The following DNMT1 variants were observed in gnomAD, a reference collection of about 807,000 sequenced individuals.
DNMT1 encodes the protein DNA (cytosine-5)-methyltransferase 1.
In DNMT1, 24 loss-of-function variants were observed where a neutral mutation model predicts 205.3. That is an observed-to-expected ratio of 0.12 (90% confidence interval 0.08 to 0.16). The LOEUF is 0.16. DNMT1 is among the 10% of genes least tolerant of loss of function. The pLI is 1.00. For synonymous variants in DNMT1, 817 were observed against 839.8 expected (o/e 0.97, Z 0.47); for missense variants, 1,293 against 2,177.7 (o/e 0.59, Z 8.09).
At chr19:10,190,621 C>T (rs1203542905) in intron 1 of DNMT1, among the ~76,000 whole-genome samples, 3 of 151,776 alleles carry the variant, frequency 2.0e-5, no homozygotes, top group East Asian at 1.9e-4. Flanking sequence ...AAAAGTTAGC[C>T]GGGCGTGGTG....
chr19:10,137,750 T>G lies in DNMT1; in HGVS notation c.4293+82A>C. 11 of 1,540,580 alleles carry G rather than the reference T, an allele frequency of 7.1e-6. No homozygotes were observed. The highest frequency in any genetic ancestry group is 8.8e-6 in the Non-Finnish European group (10 of 1,133,638). On this transcript the variant is annotated intron_variant, in intron 36 of 40. Coordinates refer to ENST00000359526, the MANE Select transcript of DNMT1 (RefSeq NM_001130823.3). This position sits in a 1 kb window ranked among gnomAD's most constrained non-coding sequence, Gnocchi z 6.4. ...CTGGGATCAGATTCCATGTCTCCCCTGAGTCTTGGGCAGGCTGACTGTTCC... is the reference window on the plus strand; with the variant it reads ...CTGGGATCAGATTCCATGTCTCCCCGGAGTCTTGGGCAGGCTGACTGTTCC...
rs201030055 is a variant in DNMT1, at chr19:10,175,522, T to C, written c.648+18A>G. On this transcript the variant is annotated intron_variant, in intron 7 of 40. Transcript: ENST00000359526. ...ACCAAGTTAAGGTAGAGTCAGGAAA[T>C]GAAAGCACTGGCCCTACCTGGTCTT... is the stretch of plus-strand genomic sequence containing the variant. 50 of 1,613,816 alleles carry C rather than the reference T, an allele frequency of 3.1e-5. No homozygotes were observed. Among genetic ancestry groups the C allele is most frequent in the Non-Finnish European group, 3.9e-5 (46 of 1,179,906 alleles).
rs2145283148 is a variant in DNMT1 at position 10,146,396 on chromosome 19, C to T, written c.2849G>A (p.Arg950Gln). ...YSATKNGILY[R>Q]VGDGVYLPPE... is the part of the protein sequence containing the mutation. ...GGGCAGGTACACACCATCACCAACT[C>T]GGTACAGGATGCCGTTCTTGGTGGC... is the stretch of plus-strand genomic sequence containing the variant. The change falls in exon 28 of 41, where the codon CGA becomes CAA. Residue 950 changes from arginine (R) to glutamine (Q), a missense_variant. Physicochemically the swap from Arg to Gln is conservative, Grantham distance 43. Around this residue, in one of 13 missense-constraint regions of DNMT1, gnomAD observed 112 missense variants for 116.6 expected, o/e 0.96. Transcript: ENST00000359526. The surrounding 1 kb of genome is among the most constrained non-coding windows in gnomAD (Gnocchi z 4.4). 4 of 1,614,028 alleles carry T rather than the reference C, an allele frequency of 2.5e-6. No individual in the cohort carries two copies. The highest frequency in any genetic ancestry group is 3.4e-6 in the Non-Finnish European group (4 of 1,180,010).
At position 10,177,366 on chromosome 19, in the gene DNMT1, A is replaced by C; in HGVS notation, c.495T>G (p.Ala165=). The stretch of plus-strand genomic sequence containing the variant: ...TAATCCTGGGGCTAGGTGAAGGTTC[A>C]GCTGTTTAAAGAAGAAAAAGCATTA... ...ASASQVTGIR[A]EPSPSPRITR... Residue 165 remains alanine (A), a splice_region_variant and synonymous_variant, in exon 6 of 41, where the codon GCT becomes GCG. Coordinates refer to ENST00000359526, the MANE Select transcript of DNMT1 (RefSeq NM_001130823.3). The C allele has an allele frequency of 6.2e-7, 1 of 1,613,762 alleles. No individual in the cohort carries two copies. The highest frequency in any genetic ancestry group is 1.1e-5 in the South Asian group (1 of 90,954).
At chr19:10,148,601 C>A (rs1017992861) in intron 27 of DNMT1, among the ~76,000 whole-genome samples, 2 of 151,874 alleles carry the variant, frequency 1.3e-5, no homozygotes, top group Admixed American at 1.3e-4. Context: ...AAGAGCTGGG[C>A]ACACACTGAA....
intron 2 of DNMT1, among the ~76,000 whole-genome samples, chr19:10,181,111 G>T (rs2039037701): frequency 6.6e-6 from 1 of 152,150 alleles, no homozygotes; most frequent in Non-Finnish European, 1.5e-5. Flanking sequence ...CTGGAGGTGA[G>T]ATGGAGACAT....
Position 10,194,701 on chromosome 19 carries a change from A to C in DNMT1, c.80+119T>G. The C allele has an allele frequency of 2.2e-6, 3 of 1,343,088 alleles. No homozygotes were observed. The South Asian group carries it at 4.6e-5, about 21-fold the overall frequency. The allele number at this position is 1,343,088 out of a possible 1,614,324, so 83.2% of individuals were successfully genotyped here. A position where few individuals can be genotyped will look rare whatever the true frequency, so the allele number is the denominator to read the frequency against. On this transcript the variant is annotated intron_variant, in intron 1 of 40. Transcript: ENST00000359526. ...GCCAACTGCCGCTGCGCGCCGCACC[A>C]CCCCACGCATGCGCGCCCGTCTGTC...
chr19:10,187,240 T>C (rs954681689), intron 1 of DNMT1, among the ~76,000 whole-genome samples: 2 of 151,558 alleles, frequency 1.3e-5, no homozygotes, highest in African/African-American at 4.8e-5. Flanking sequence ...CTAGTATAGA[T>C]TGGATAGGAA....
rs1361896024 is a variant in DNMT1 at position 10,156,109 on chromosome 19, C to T, written c.1400-164G>A. Among the ~76,000 whole-genome samples the T allele has an allele frequency of 6.6e-6, 1 of 152,164 alleles. No homozygotes were observed. The highest frequency in any genetic ancestry group is 2.4e-5 in the African/African-American group (1 of 41,444). ...TGCTCCTGGCACAAAGTCTCACACC[C>T]TAACTTTAAGAGGCAGCAGCAACTC... is the stretch of plus-strand genomic sequence containing the variant. On this transcript the variant is annotated intron_variant, in intron 18 of 40. Transcript: ENST00000359526. This position sits in a 1 kb window ranked among gnomAD's most constrained non-coding sequence, Gnocchi z 4.2.
intron 17 of DNMT1, among the ~76,000 whole-genome samples, chr19:10,158,366 C>G (rs2038498896): frequency 6.6e-6 from 1 of 152,178 alleles, no homozygotes; most frequent in Admixed American, 6.5e-5. Context: ...GGGAGGGGAA[C>G]AACCATCAGC....
Position 10,180,434 on chromosome 19 carries a change from C to T in DNMT1, c.361G>A (p.Gly121Arg). The change falls in exon 4 of 41, where the codon GGA (glycine) becomes AGA (arginine). Residue 121 changes from glycine (G) to arginine (R), a missense_variant. Coordinates refer to ENST00000359526, the MANE Select transcript of DNMT1 (RefSeq NM_001130823.3). Reference sequence around the variant, plus strand: ...GGGGGGCTGTTGGCATCTGCCATTCCCACTCTACGGGCTTCACTTCTTGCT... The same window carrying T: ...GGGGGGCTGTTGGCATCTGCCATTCTCACTCTACGGGCTTCACTTCTTGCT... Reference protein sequence around the residue: ...NQARSEARRVGMADANSPPKP... With the variant: ...NQARSEARRVRMADANSPPKP... 6.2e-7 allele frequency: 1 copy of T among 1,614,158 alleles called. No homozygotes were observed. Among genetic ancestry groups the T allele is most frequent in the Non-Finnish European group, 8.5e-7 (1 of 1,180,036 alleles).
At chr19:10,155,225 A>T (rs751688485) in intron 19 of DNMT1, among the ~76,000 whole-genome samples, 169 bp from the exon 20 acceptor site, 3 of 152,180 alleles carry the variant, frequency 2.0e-5, no homozygotes, top group Non-Finnish European at 2.9e-5. Flanking sequence ...TGTTCTGAAG[A>T]AGCCTGTCTG....
chr19:10,170,831 T>C (rs1349117305), intron 9 of DNMT1, among the ~76,000 whole-genome samples: 1 of 152,140 alleles, frequency 6.6e-6, no homozygotes, highest in East Asian at 1.9e-4. Context: ...TCTCACTTTA[T>C]CATCCAGGCT....
chr19:10,165,525 T>C (rs1017739360), intron 11 of DNMT1, among the ~76,000 whole-genome samples: 1 of 152,202 alleles, frequency 6.6e-6, no homozygotes, highest in Admixed American at 6.5e-5. Context: ...CCCAAGTAGC[T>C]GGGATTAGAG....
In DNMT1 at chr19:10,166,615, C is replaced by T. The variant is rs1257025095; in HGVS notation, c.874G>A (p.Glu292Lys). 34 of 1,614,084 alleles carry T rather than the reference C, an allele frequency of 2.1e-5. No homozygotes were observed. The highest frequency in any genetic ancestry group is 4.5e-5 in the East Asian group (2 of 44,896). ...GCCTTTACTTTCTCGTCTCCATCTT[C>T]GTCCTCGTCAGCCTGCACGCCTGCC... ...ARAGVQADEDEDGDEKDEKKH... is the reference protein window; with the variant it reads ...ARAGVQADEDKDGDEKDEKKH... Residue 292 changes from glutamate (E) to lysine (K), a missense_variant, in exon 11 of 41, where the codon GAA becomes AAA. Coordinates refer to ENST00000359526, the MANE Select transcript of DNMT1 (RefSeq NM_001130823.3).
intron 9 of DNMT1, among the ~76,000 whole-genome samples, chr19:10,169,639 G>A (rs2038771880): frequency 6.6e-6 from 1 of 152,020 alleles, no homozygotes; most frequent in South Asian, 2.1e-4. Context: ...GGTAGCAGGT[G>A]CCTGTAGTCC....
Position 10,138,703 on chromosome 19 carries a change from G to T in DNMT1, c.3949-98C>A. On this transcript the variant is annotated intron_variant, in intron 34 of 40. Transcript: ENST00000359526. This position sits in a 1 kb window ranked among gnomAD's most constrained non-coding sequence, Gnocchi z 4.1. ...AGGGTCAGCAGCCTGAGTCGGGAGT[G>T]GCTGGCCAATGCGGAGTGCACTTGC... is the stretch of plus-strand genomic sequence containing the variant. 1.4e-6 allele frequency: 2 copies of T among 1,479,452 alleles called. No individual in the cohort carries two copies. The highest frequency in any genetic ancestry group is 1.8e-6 in the Non-Finnish European group (2 of 1,103,618). 91.6% of individuals were successfully genotyped at this position (1,479,452 alleles called of 1,614,324 possible).
chr19:10,173,365 A>G (rs1257218586), intron 8 of DNMT1, among the ~76,000 whole-genome samples, 191 bp from the exon 9 acceptor site: 1 of 152,142 alleles, frequency 6.6e-6, no homozygotes, highest in African/African-American at 2.4e-5. Flanking sequence ...GCTGCCCTCG[A>G]TTCATTCCTT....
At chr19:10,162,535 G>T in intron 13 of DNMT1, 132 bp downstream of exon 13, 1 of 918,478 alleles carries the variant, frequency 1.1e-6, no homozygotes, top group Non-Finnish European at 1.6e-6. Context: ...CTCTCAAAGT[G>T]CTGGGATTAC....
Sources: gnomAD v4.1 joint callset for allele counts (sites outside exome capture counted in the v4.1 genomes callset) on GRCh38, gnomAD v4.1.1 for gene constraint, gnomAD v4.1.1 regional missense constraint, Gnocchi (gnomAD v3.1) non-coding constraint, MANE v1.5 for transcripts, NCBI Gene and HGNC (gene_info 2026-07-23, HGNC 2026-07-21) for gene names.